PTPRK: variants seen among roughly 807,000 people sequenced by gnomAD.
PTPRK encodes receptor-type tyrosine-protein phosphatase kappa.
Under a neutral mutation model 178.0 loss-of-function variants are expected in PTPRK, and 75 were observed. The ratio of observed to expected loss-of-function variants is 0.42; its 90% CI spans 0.35 to 0.51. The LOEUF (loss-of-function observed/expected upper bound fraction) is 0.51, where lower values mean the gene tolerates loss of function less well. Among genes scored for constraint, PTPRK ranks in the 20% least tolerant of loss-of-function variants. PTPRK has a pLI of 0.02. For synonymous variants in PTPRK, 637 were observed against 620.6 expected (o/e 1.03, Z -0.39); for missense variants, 1,441 against 1,797.8 (o/e 0.80, Z 3.59).
chr6:128,232,051 C>T (rs1164213892), intron 5 of PTPRK: 2 of 152,268 alleles, frequency 1.3e-5, no homozygotes, highest in African/African-American at 2.4e-5. Flanking sequence ...GCAGTCTCCA[C>T]CGTGGTCTAG....
intron 2 of PTPRK, among the ~76,000 whole-genome samples, chr6:128,325,013 GCTAA>G (rs763453683): frequency 6.6e-4 from 100 of 152,220 alleles, no homozygotes; most frequent in Admixed American, 2.7e-3. Context: ...TCTGTTACCA[GCTAA>G]CTAATTCCTC....
chr6:128,362,285 T>C (rs963679104), intron 2 of PTPRK, among the ~76,000 whole-genome samples: 1 of 152,072 alleles, frequency 6.6e-6, no homozygotes, highest in Non-Finnish European at 1.5e-5. Flanking sequence ...TCTCTTACAA[T>C]TGTGAGGACA....
intron 6 of PTPRK, among the ~76,000 whole-genome samples, chr6:128,198,203 T>C (rs1050399979): frequency 2.0e-5 from 3 of 152,184 alleles, no homozygotes; most frequent in African/African-American, 4.8e-5. Flanking sequence ...AGGTGATAAA[T>C]AGAACTCTAT....
intron 1 of PTPRK, among the ~76,000 whole-genome samples, chr6:128,462,645 ATTTATTTATTTAT>A (rs1849219116): frequency 6.7e-6 from 1 of 149,734 alleles, no homozygotes; most frequent in African/African-American, 2.5e-5. Context: ...TTATTTATTT[ATTTATTTATTTAT>A]TTATTTATTT....
chr6:128,281,106 G>A (rs1161640790), intron 3 of PTPRK, among the ~76,000 whole-genome samples: 1 of 152,150 alleles, frequency 6.6e-6, no homozygotes, highest in Non-Finnish European at 1.5e-5. Context: ...CTCTACATCA[G>A]TACAGAAAGG....
chr6:128,504,356 T>G (rs1856004326), intron 1 of PTPRK, among the ~76,000 whole-genome samples: 1 of 152,204 alleles, frequency 6.6e-6, no homozygotes, highest in African/African-American at 2.4e-5. Flanking sequence ...CAGCCTGTAG[T>G]ATAACTGTCA....
chr6:128,188,373 A>G (rs1803133869), intron 6 of PTPRK, among the ~76,000 whole-genome samples: 1 of 152,234 alleles, frequency 6.6e-6, no homozygotes, highest in African/African-American at 2.4e-5. Context: ...AATTCAGTTA[A>G]CTAATAAAAT....
rs551813741 is a variant in PTPRK, at chr6:128,109,012, A to G, written c.1163-19020T>C. Among the ~76,000 whole-genome samples the G allele has an allele frequency of 3.9e-5, 6 of 152,264 alleles. No individual in the cohort carries two copies. The South Asian group carries it at 1.0e-3, about 26-fold the overall frequency. On this transcript the variant is annotated intron_variant, in intron 7 of 29. Transcript: ENST00000368226. ...TCAATGGAGTAGAGGGCTTCAACAT[A>G]TGGATTTTGGGGGAACACAAACATT... is the stretch of plus-strand genomic sequence containing the variant.
intron 7 of PTPRK, among the ~76,000 whole-genome samples, chr6:128,147,889 C>G (rs998356143): frequency 6.6e-6 from 1 of 152,102 alleles, no homozygotes; most frequent in Non-Finnish European, 1.5e-5. Flanking sequence ...TCTGCCTGCT[C>G]TATTTTCTCC....
intron 7 of PTPRK, among the ~76,000 whole-genome samples, chr6:128,142,923 C>T (rs1480857259): frequency 3.3e-5 from 5 of 152,028 alleles, no homozygotes; most frequent in African/African-American, 7.2e-5. Flanking sequence ...TGTTTCTTCA[C>T]ATAATTACAA....
At chr6:128,109,452 A>C (rs879351013) in intron 7 of PTPRK, among the ~76,000 whole-genome samples, 5 of 152,184 alleles carry the variant, frequency 3.3e-5, no homozygotes, top group African/African-American at 4.8e-5. Flanking sequence ...CAATTTAAAA[A>C]GGTATCAATG....
chr6:127,988,020 G>T (rs564760033), intron 21 of PTPRK, among the ~76,000 whole-genome samples: 1 of 152,094 alleles, frequency 6.6e-6, no homozygotes, highest in East Asian at 1.9e-4. Flanking sequence ...ATCCTGTTAA[G>T]ATTTCCCACT....
intron 1 of PTPRK, among the ~76,000 whole-genome samples, chr6:128,406,924 C>T (rs1841721147): frequency 1.3e-5 from 2 of 152,140 alleles, no homozygotes; most frequent in African/African-American, 4.8e-5. Context: ...GCCATTCTAA[C>T]CTAACAAAGA....
intron 1 of PTPRK, among the ~76,000 whole-genome samples, chr6:128,502,825 G>A (rs958391637): frequency 6.6e-6 from 1 of 152,108 alleles, no homozygotes; most frequent in African/African-American, 2.4e-5. Flanking sequence ...CTAAATAAGG[G>A]TGTGTTACTA....
At position 127,982,830 on chromosome 6, in the gene PTPRK, C is replaced by T. The variant is rs370952773; in HGVS notation, c.3537+1G>A. 1.9e-6 allele frequency: 3 copies of T among 1,604,734 alleles called. No individual in the cohort carries two copies. Among genetic ancestry groups the T allele is most frequent in the Non-Finnish European group, 2.6e-6 (3 of 1,175,096 alleles). On this transcript the variant is annotated splice_donor_variant, in intron 24 of 29. Transcript: ENST00000368226. LOFTEE classifies it high-confidence loss of function. ...AAAGAGGTTTTAGAAATAGTTAATA[C>T]CTGAAATTCATCCTTGAGATGTGAA...
intron 3 of PTPRK, among the ~76,000 whole-genome samples, chr6:128,303,267 T>C (rs1361549181): frequency 6.6e-6 from 1 of 152,160 alleles, no homozygotes; most frequent in Non-Finnish European, 1.5e-5. Flanking sequence ...CATTCCTAAC[T>C]ACAGCTTCCA....
At chr6:128,443,071 C>T (rs1287840273) in intron 1 of PTPRK, among the ~76,000 whole-genome samples, 4 of 150,986 alleles carry the variant, frequency 2.6e-5, no homozygotes, top group Non-Finnish European at 5.9e-5. Flanking sequence ...AACATGATAA[C>T]ATAGTACACT....
intron 10 of PTPRK, among the ~76,000 whole-genome samples, chr6:128,081,638 T>C (rs1172360804): frequency 6.6e-6 from 1 of 152,026 alleles, no homozygotes; most frequent in Non-Finnish European, 1.5e-5. Flanking sequence ...CTTTACTACA[T>C]TGTGTGGTTG....
intron 1 of PTPRK, among the ~76,000 whole-genome samples, chr6:128,401,299 C>G (rs759132548): frequency 5.3e-5 from 8 of 152,178 alleles, no homozygotes; most frequent in Non-Finnish European, 1.2e-4. Flanking sequence ...GTATTAGACA[C>G]CAAAAAGATT....
Sources: allele counts gnomAD v4.1 joint callset (sites outside exome capture counted in the v4.1 genomes callset), GRCh38; gene constraint gnomAD v4.1.1; transcripts MANE v1.5; gene names NCBI Gene and HGNC (gene_info 2026-07-23, HGNC 2026-07-21).